DMD: variants seen among roughly 807,000 people sequenced by gnomAD.
DMD encodes the protein mutant dystrophin.
A neutral mutation model predicts 330.1 loss-of-function variants in DMD; 63 were observed. The ratio of observed to expected loss-of-function variants is 0.19; its 90% CI spans 0.16 to 0.24. The LOEUF is 0.24. Among genes scored for constraint, DMD ranks in the 10% least tolerant of loss-of-function variants. The pLI is 1.00. For missense variants in DMD, 3,344 were observed against 2,684.1 expected, an observed-to-expected ratio of 1.25 and a Z score of -5.43; for synonymous variants, 1,223 against 959.8, an observed-to-expected ratio of 1.27 and a Z score of -5.07.
At chrX:33,210,574 T>C (rs1246276442) in intron 1 of DMD, among the ~76,000 whole-genome samples, 1 of 111,459 alleles carries the variant, frequency 9.0e-6, no homozygotes, top group African/African-American at 3.2e-5. Context: ...TACTACTAAA[T>C]ATAATTAGGA....
chrX:32,700,492 C>A (rs1336627097), intron 7 of DMD, among the ~76,000 whole-genome samples: 2 of 111,106 alleles, frequency 1.8e-5, no homozygotes, highest in East Asian at 5.7e-4. Flanking sequence ...ATCTATTGTA[C>A]AACCTAGTTT....
chrX:32,532,644 A>G (rs2047589960), intron 17 of DMD, among the ~76,000 whole-genome samples: 1 of 112,626 alleles, frequency 8.9e-6, no homozygotes, highest in Non-Finnish European at 1.9e-5. Context: ...TAGAAGCCAT[A>G]TACATATTAG....
chrX:31,472,843 C>A (rs770682447), intron 59 of DMD, among the ~76,000 whole-genome samples: 7 of 112,266 alleles, frequency 6.2e-5, no homozygotes, highest in African/African-American at 2.3e-4. Flanking sequence ...CTCATAGAAT[C>A]CCTGCCCTGA....
intron 43 of DMD, among the ~76,000 whole-genome samples, chrX:32,277,551 G>C (rs1184167031): frequency 9.0e-6 from 1 of 111,596 alleles, no homozygotes; most frequent in Non-Finnish European, 1.9e-5. Flanking sequence ...TATTATCAAA[G>C]ATAGACCACA....
intron 44 of DMD, among the ~76,000 whole-genome samples, chrX:32,175,676 T>G (rs1046903771): frequency 9.0e-6 from 1 of 111,045 alleles, no homozygotes; most frequent in African/African-American, 3.3e-5. Flanking sequence ...GGATCCTAGA[T>G]ATTTCCTAGC....
At chrX:32,871,271 C>G (rs761180393) in intron 2 of DMD, among the ~76,000 whole-genome samples, 1 of 111,050 alleles carries the variant, frequency 9.0e-6, no homozygotes, top group Non-Finnish European at 1.9e-5. Context: ...CCCTCAGTCT[C>G]AGCTATTCCA....
intron 44 of DMD, among the ~76,000 whole-genome samples, chrX:32,140,688 C>A (rs1032647121): frequency 9.0e-6 from 1 of 111,513 alleles, no homozygotes; most frequent in African/African-American, 3.3e-5. Flanking sequence ...AGGTGAAAGG[C>A]ACTTCTTACA....
chrX:31,707,070 A>T lies in DMD; in HGVS notation c.7660+22561T>A, dbSNP rs764782247. On this transcript the variant is annotated intron_variant, in intron 52 of 78. Transcript: ENST00000357033. Reference sequence around the variant, plus strand: ...CCTTTTAATCTCGTTGTTTTTTTTTAAATCTTTTTATTTTTTCTCTGCTAA... The same window carrying T: ...CCTTTTAATCTCGTTGTTTTTTTTTTAATCTTTTTATTTTTTCTCTGCTAA... Among the ~76,000 whole-genome samples the T allele has an allele frequency of 5.8e-3, 615 of 106,950 alleles. 7 individuals carry two copies. The highest frequency in any genetic ancestry group is 0.02 in the African/African-American group (581 of 29,531). The allele number at this position is 106,950 out of a possible 115,157, so 92.9% of individuals were successfully genotyped here.
intron 2 of DMD, among the ~76,000 whole-genome samples, chrX:33,012,327 A>T (rs2093717524): frequency 8.9e-6 from 1 of 111,785 alleles, no homozygotes; most frequent in Non-Finnish European, 1.9e-5. Context: ...CACCAAGTGT[A>T]GATGTTAGGG....
Position 31,176,621 on chromosome X carries a change from A to G in DMD, c.10262+1311T>C, listed in dbSNP as rs756243268. Among the ~76,000 whole-genome samples, 4 of 111,454 alleles carry G rather than the reference A, an allele frequency of 3.6e-5. No homozygotes were observed. The East Asian group carries it at 8.4e-4, about 23-fold the overall frequency. On this transcript the variant is annotated intron_variant, in intron 71 of 78. Coordinates refer to ENST00000357033, the MANE Select transcript of DMD (RefSeq NM_004006.3). The stretch of plus-strand genomic sequence containing the variant: ...TCCAATCAAGCTGAAACTGTAGTGT[A>G]TCAACTCTTTAAAAGTTTCTTATTT...
chrX:31,360,672 A>G (rs1569532457), intron 60 of DMD, among the ~76,000 whole-genome samples: 1 of 112,246 alleles, frequency 8.9e-6, no homozygotes. Flanking sequence ...ATGGATAAAA[A>G]TCAGAAGGAA....
intron 47 of DMD, among the ~76,000 whole-genome samples, chrX:31,890,311 C>T (rs1176839944): frequency 9.6e-6 from 1 of 103,749 alleles, no homozygotes. Context: ...GAGTTGGATA[C>T]CAGCCTGGGA....
intron 7 of DMD, among the ~76,000 whole-genome samples, chrX:32,741,006 G>A (rs1465603417): frequency 9.0e-6 from 1 of 111,670 alleles, no homozygotes; most frequent in Non-Finnish European, 1.9e-5. Flanking sequence ...CCCAGATATA[G>A]GAAGGTGTGT....
chrX:31,284,116 T>C (rs2052841611), intron 62 of DMD, among the ~76,000 whole-genome samples: 1 of 112,214 alleles, frequency 8.9e-6, no homozygotes, highest in Non-Finnish European at 1.9e-5. Flanking sequence ...TACTAAAGCA[T>C]TGAATAGCTC....
chrX:32,130,982 C>T (rs994509277), intron 44 of DMD, among the ~76,000 whole-genome samples: 6 of 111,581 alleles, frequency 5.4e-5, no homozygotes, highest in Non-Finnish European at 1.1e-4. Flanking sequence ...GTCAGGAGCT[C>T]GAGAACAGCC....
rs947420912 is a variant in DMD at position 31,668,555 on chromosome X, G to T, written c.7873-10411C>A. On this transcript the variant is annotated intron_variant, in intron 53 of 78. Transcript: ENST00000357033. ...CTGATATATGTATACACTGTGGAAT[G>T]ATTATATCGAGCAATTTAACGTATC... Among the ~76,000 whole-genome samples, 3 of 110,953 alleles carry T rather than the reference G, an allele frequency of 2.7e-5. No homozygotes were observed. In the Admixed American group the frequency reaches 2.9e-4, roughly 11 times the overall value.
At chrX:32,510,178 T>G (rs957675909) in intron 18 of DMD, among the ~76,000 whole-genome samples, 4 of 111,902 alleles carry the variant, frequency 3.6e-5, no homozygotes, top group African/African-American at 1.3e-4. Context: ...CTTAATTAAC[T>G]TCCTTAACCT....
intron 5 of DMD, among the ~76,000 whole-genome samples, chrX:32,817,766 A>T (rs1046876531): frequency 8.9e-6 from 1 of 112,205 alleles, no homozygotes; most frequent in East Asian, 2.8e-4. Flanking sequence ...GGGTAAATGC[A>T]TATTTTAACA....
Position 33,004,312 on chromosome X carries a change from G to A in DMD, c.93+15827C>T, listed in dbSNP as rs867067848. Among the ~76,000 whole-genome samples the A allele has an allele frequency of 4.5e-5, 5 of 111,421 alleles. No homozygotes were observed. The South Asian group carries it at 1.1e-3, about 25-fold the overall frequency. On this transcript the variant is annotated intron_variant, in intron 2 of 78. Transcript: ENST00000357033. ...TTGCCTTATGGCTCTAACAAAGGCT[G>A]CAGGCTCACCCACTATGTTCCTTGG...
Sources: allele counts gnomAD v4.1 joint callset (sites outside exome capture counted in the v4.1 genomes callset), GRCh38; gene constraint gnomAD v4.1.1; transcripts MANE v1.5; gene names NCBI Gene and HGNC (gene_info 2026-07-23, HGNC 2026-07-21).